CLASP1: variants seen among roughly 807,000 people sequenced by gnomAD.
CLASP1 encodes the protein CLIP-associating protein 1.
CLASP1 carries 38 observed loss-of-function variants against 192.3 expected under a neutral mutation model. The observed-to-expected ratio is 0.20, with a 90% confidence interval of 0.15 to 0.26. The LOEUF is 0.26. Among genes scored for constraint, CLASP1 ranks in the 10% least tolerant of loss-of-function variants. CLASP1 has a pLI of 1.00. For missense variants in CLASP1, 1,433 were observed against 1,932.5 expected (o/e 0.74, Z 4.85); for synonymous variants, 691 against 712.8 (o/e 0.97, Z 0.49).
chr2:121,647,186 A>T (rs1301229035), intron 1 of CLASP1, among the ~76,000 whole-genome samples: 1 of 151,890 alleles, frequency 6.6e-6, no homozygotes, highest in Non-Finnish European at 1.5e-5. Flanking sequence ...TGGCCAACAT[A>T]GTGAAACCCT....
chr2:121,504,476 T>G (rs930180734), intron 7 of CLASP1, among the ~76,000 whole-genome samples: 1 of 152,192 alleles, frequency 6.6e-6, no homozygotes, highest in Non-Finnish European at 1.5e-5. Flanking sequence ...CCAAACACTA[T>G]GTATGCCATG....
Position 121,464,078 on chromosome 2 carries a change from G to A in CLASP1, c.866-1473C>T, listed in dbSNP as rs575718643. ...TTCTCATTGTTCAATTCCCACCTAT[G>A]AGTGAGCATATGCGGTGTTTGGTTT... On this transcript the variant is annotated intron_variant, in intron 9 of 39. Coordinates refer to ENST00000263710, the Ensembl canonical transcript of CLASP1. 6.8e-3 allele frequency among the ~76,000 whole-genome samples: 978 copies of A among 144,376 alleles called. 15 individuals carry two copies. The highest frequency in any genetic ancestry group is 0.024 in the African/African-American group (936 of 38,770). The allele number at this position is 144,376 out of a possible 152,430, so 94.7% of individuals were successfully genotyped here.
chr2:121,601,938 G>A (rs1335984276), intron 2 of CLASP1, among the ~76,000 whole-genome samples: 1 of 152,100 alleles, frequency 6.6e-6, no homozygotes, highest in Non-Finnish European at 1.5e-5. Flanking sequence ...ACTTTGGGAG[G>A]CCAAGACGGG....
rs377105069 is a variant in CLASP1, at chr2:121,587,550, C to G, written c.195+18151G>C. ...GAATAAACAAGAAGCTCAATGTCAG[C>G]CGGGCGAGGTGGCTCACGCCTGTAA... is the stretch of plus-strand genomic sequence containing the variant. On this transcript the variant is annotated intron_variant, in intron 2 of 39. Transcript: ENST00000263710. Among the ~76,000 whole-genome samples, 84 of 152,338 alleles carry G rather than the reference C, an allele frequency of 5.5e-4. No homozygotes were observed. The South Asian group carries it at 0.017, about 30-fold the overall frequency.
chr2:121,574,873 T>C (rs781150162), intron 2 of CLASP1, among the ~76,000 whole-genome samples: 3 of 146,926 alleles, frequency 2.0e-5, no homozygotes, highest in Non-Finnish European at 4.5e-5. Context: ...GACCCAGGAA[T>C]TGGAGGTTGC....
chr2:121,526,118 T>C (rs893557248), intron 5 of CLASP1, among the ~76,000 whole-genome samples, 198 bp from the exon 6 acceptor site: 10 of 152,156 alleles, frequency 6.6e-5, no homozygotes, highest in Admixed American at 3.9e-4. Context: ...AAACCTAGGG[T>C]GGCTTCTCCC....
chr2:121,543,193 G>A (rs759704798), intron 2 of CLASP1, among the ~76,000 whole-genome samples: 4 of 152,070 alleles, frequency 2.6e-5, no homozygotes, highest in East Asian at 1.9e-4. Flanking sequence ...AAATAAGGCC[G>A]GTTATGTGAT....
At chr2:121,602,193 A>C (rs1468788508) in intron 2 of CLASP1, among the ~76,000 whole-genome samples, 1 of 151,976 alleles carries the variant, frequency 6.6e-6, no homozygotes, top group East Asian at 1.9e-4. Context: ...AAAAAGAAGA[A>C]GAAGAAAGCG....
At chr2:121,405,649 T>C (rs901527857) in intron 25 of CLASP1, among the ~76,000 whole-genome samples, 32 of 152,312 alleles carry the variant, frequency 2.1e-4, no homozygotes, top group Non-Finnish European at 4.3e-4. Context: ...ATTAGACCAA[T>C]GCCAATCAAC....
chr2:121,626,126 A>G (rs1228429700), intron 1 of CLASP1, among the ~76,000 whole-genome samples: 2 of 151,916 alleles, frequency 1.3e-5, no homozygotes, highest in Non-Finnish European at 2.9e-5. Context: ...AGAAGAGGAC[A>G]TCTGATATGT....
At chr2:121,340,275 T>A (rs1375189894) in exon 40 of CLASP1, 3 of 152,452 alleles carry the variant, frequency 2.0e-5, no homozygotes, top group Non-Finnish European at 2.9e-5. Flanking sequence ...CCAGTCTGGA[T>A]ATGACAAGCA....
intron 19 of CLASP1, among the ~76,000 whole-genome samples, chr2:121,442,413 T>C (rs970021616): frequency 3.3e-5 from 5 of 152,150 alleles, no homozygotes; most frequent in Non-Finnish European, 5.9e-5. Context: ...CTAAGGAATA[T>C]ATATTTTTCT....
At chr2:121,516,693 G>A (rs1327691344) in intron 6 of CLASP1, among the ~76,000 whole-genome samples, 1 of 152,196 alleles carries the variant, frequency 6.6e-6, no homozygotes, top group Non-Finnish European at 1.5e-5. Context: ...AAATATCTTT[G>A]TTATTAAATG....
intron 2 of CLASP1, among the ~76,000 whole-genome samples, chr2:121,560,715 G>C (rs1277357234): frequency 6.6e-6 from 1 of 152,158 alleles, no homozygotes; most frequent in Non-Finnish European, 1.5e-5. Context: ...TGGGTGCATG[G>C]ATTCATTAAA....
intron 19 of CLASP1, among the ~76,000 whole-genome samples, chr2:121,431,466 C>T (rs373230493): frequency 6.6e-6 from 1 of 152,170 alleles, no homozygotes; most frequent in African/African-American, 2.4e-5. Flanking sequence ...CTGTGCCTGG[C>T]TGACTGGGAA....
intron 2 of CLASP1, among the ~76,000 whole-genome samples, chr2:121,565,100 A>T (rs2059391697): frequency 6.6e-6 from 1 of 152,140 alleles, no homozygotes. Context: ...GCCTCCCACC[A>T]CTAGACTATG....
At chr2:121,377,201 C>T (rs2070458956) in intron 34 of CLASP1, among the ~76,000 whole-genome samples, 1 of 152,094 alleles carries the variant, frequency 6.6e-6, no homozygotes, top group African/African-American at 2.4e-5. Flanking sequence ...ATTTCCAAAA[C>T]ACTAGAAGAG....
At chr2:121,446,752 C>T (rs933842904) in intron 19 of CLASP1, among the ~76,000 whole-genome samples, 3 of 152,154 alleles carry the variant, frequency 2.0e-5, no homozygotes, top group Admixed American at 6.5e-5. Flanking sequence ...GGGCAATCAT[C>T]AGAGTAAGGG....
intron 30 of CLASP1, among the ~76,000 whole-genome samples, chr2:121,389,743 T>C (rs1043269843): frequency 6.6e-6 from 1 of 152,242 alleles, no homozygotes; most frequent in Admixed American, 6.5e-5. Context: ...ATGTCCAAGC[T>C]AACTTGAGGC....
Sources: allele counts gnomAD v4.1 joint callset (sites outside exome capture counted in the v4.1 genomes callset), GRCh38; gene constraint gnomAD v4.1.1; transcripts MANE v1.5; gene names NCBI Gene and HGNC (gene_info 2026-07-23, HGNC 2026-07-21).